SORCS2: variants seen among roughly 807,000 people sequenced by gnomAD.
SORCS2 encodes VPS10 domain-containing receptor SorCS2.
A neutral mutation model predicts 141.6 loss-of-function variants in SORCS2; 100 were observed. The ratio of observed to expected loss-of-function variants is 0.71; its 90% CI spans 0.60 to 0.83. The LOEUF (loss-of-function observed/expected upper bound fraction) is 0.83. Among genes scored for constraint, SORCS2 ranks in the 40% least tolerant of loss-of-function variants. SORCS2 has a pLI of 0.00. For synonymous variants in SORCS2, 789 were observed against 676.9 expected (o/e 1.17, Z -2.57); for missense variants, 1,646 against 1,560.2 (o/e 1.05, Z -0.93).
intron 5 of SORCS2, among the ~76,000 whole-genome samples, chr4:7,657,785 GGTGAGTGAATGAGTGA>G (rs1025567412): frequency 4.1e-5 from 6 of 145,704 alleles, no homozygotes; most frequent in Admixed American, 2.0e-4. Context: ...TCTGTGACTG[GGTGAGTGAATGAGTGA>G]GTGAGTGAAT....
At chr4:7,464,314 A>T (rs148485009) in intron 2 of SORCS2, among the ~76,000 whole-genome samples, 1 of 152,302 alleles carries the variant, frequency 6.6e-6, no homozygotes, top group Non-Finnish European at 1.5e-5. Context: ...TGTGATGGAC[A>T]TTGAGGGATG....
At chr4:7,278,724 G>C (rs1303682926) in intron 1 of SORCS2, among the ~76,000 whole-genome samples, 1 of 152,222 alleles carries the variant, frequency 6.6e-6, no homozygotes, top group Non-Finnish European at 1.5e-5. Flanking sequence ...CCAGCACAGA[G>C]AGCAGCCTTG....
chr4:7,198,881 C>T (rs941272046), intron 1 of SORCS2, among the ~76,000 whole-genome samples: 7 of 152,126 alleles, frequency 4.6e-5, no homozygotes, highest in African/African-American at 9.7e-5. Flanking sequence ...ACCACAGGCT[C>T]GCACGGTGAC....
At chr4:7,722,028 C>A (rs546018093) in intron 18 of SORCS2, among the ~76,000 whole-genome samples, 3 of 152,206 alleles carry the variant, frequency 2.0e-5, no homozygotes, top group African/African-American at 7.2e-5. Flanking sequence ...TTATTTTCTA[C>A]CTTGAGAATA....
chr4:7,692,095 A>T (rs1266474573), intron 11 of SORCS2, among the ~76,000 whole-genome samples: 1 of 152,170 alleles, frequency 6.6e-6, no homozygotes, highest in Non-Finnish European at 1.5e-5. Flanking sequence ...CAGGCATGCA[A>T]GGTGGGCCAA....
At chr4:7,229,008 C>T (rs903475069) in intron 1 of SORCS2, among the ~76,000 whole-genome samples, 10 of 152,212 alleles carry the variant, frequency 6.6e-5, no homozygotes, top group Admixed American at 1.3e-4. Flanking sequence ...AGGCCTGCCG[C>T]GCCTTGCTCT....
intron 24 of SORCS2, among the ~76,000 whole-genome samples, chr4:7,734,006 G>GGGGATAGGCA (rs1711935133): frequency 6.6e-6 from 1 of 151,906 alleles, no homozygotes; most frequent in Non-Finnish European, 1.5e-5. Context: ...GGGACAGGCA[G>GGGGATAGGCA]GGGATAGGCA....
intron 1 of SORCS2, among the ~76,000 whole-genome samples, chr4:7,266,472 G>A (rs1190809678): frequency 1.3e-5 from 2 of 152,176 alleles, no homozygotes; most frequent in Non-Finnish European, 2.9e-5. Context: ...TGTGCTCTGA[G>A]CTTTCCCGGG....
At chr4:7,627,540 C>G (rs1309781614) in intron 3 of SORCS2, among the ~76,000 whole-genome samples, 1 of 152,204 alleles carries the variant, frequency 6.6e-6, no homozygotes, top group Non-Finnish European at 1.5e-5. Flanking sequence ...GCTGACAGAT[C>G]TCTCCACCTT....
At chr4:7,701,280 G>C (rs1725066299) in intron 12 of SORCS2, among the ~76,000 whole-genome samples, 1 of 151,820 alleles carries the variant, frequency 6.6e-6, no homozygotes, top group Admixed American at 6.6e-5. Flanking sequence ...GAGGGAGGGA[G>C]ACGGGAAGAG....
Position 7,718,069 on chromosome 4 carries a change from G to A in SORCS2, c.2310G>A (p.Gln770=). Residue 770 remains glutamine, a synonymous_variant, in exon 18 of 27, where the codon CAG becomes CAA. Coordinates refer to ENST00000507866, the MANE Select transcript of SORCS2 (RefSeq NM_020777.3). The part of the protein sequence containing the change: ...CEGGVDMQQS[Q]VQLQCPLTPP... The stretch of plus-strand genomic sequence containing the variant: ...GTGGGGTGGACATGCAGCAGAGTCA[G>A]GTGCAGCTGCAGTGCCCCCTCACGC... The A allele has an allele frequency of 6.2e-7, 1 of 1,611,574 alleles. No homozygotes were observed. The highest frequency in any genetic ancestry group is 8.5e-7 in the Non-Finnish European group (1 of 1,178,974).
chr4:7,382,732 G>C (rs773647914), intron 1 of SORCS2, among the ~76,000 whole-genome samples: 1 of 152,130 alleles, frequency 6.6e-6, no homozygotes, highest in East Asian at 1.9e-4. Context: ...TGGAGGGGAT[G>C]GTCTGCAGGT....
At chr4:7,724,836 TGGA>T (rs1254397385) in intron 19 of SORCS2, among the ~76,000 whole-genome samples, 3 of 138,322 alleles carry the variant, frequency 2.2e-5, no homozygotes, top group African/African-American at 8.6e-5. Context: ...GTGATGATGG[TGGA>T]GGTGATGGTG....
At chr4:7,389,917 T>G (rs1723748407) in intron 1 of SORCS2, among the ~76,000 whole-genome samples, 1 of 151,756 alleles carries the variant, frequency 6.6e-6, no homozygotes, top group Admixed American at 6.5e-5. Context: ...TGAGCAGGGG[T>G]GCGGGCCTCC....
At chr4:7,706,709 C>T (rs1170292014) in intron 14 of SORCS2, among the ~76,000 whole-genome samples, 1 of 143,078 alleles carries the variant, frequency 7.0e-6, no homozygotes, top group Non-Finnish European at 1.5e-5. Context: ...TGGGCTCTGC[C>T]TGGACAGAGA....
chr4:7,289,353 A>G (rs1351247170), intron 1 of SORCS2, among the ~76,000 whole-genome samples: 2 of 152,152 alleles, frequency 1.3e-5, no homozygotes, highest in Non-Finnish European at 2.9e-5. Flanking sequence ...CTTGGAGCCC[A>G]CTGTGCCAAC....
chr4:7,583,809 A>G (rs1236591968), intron 3 of SORCS2, among the ~76,000 whole-genome samples: 1 of 152,236 alleles, frequency 6.6e-6, no homozygotes, highest in Non-Finnish European at 1.5e-5. Flanking sequence ...GCGTGAAAAC[A>G]GACTAATACA....
intron 3 of SORCS2, among the ~76,000 whole-genome samples, chr4:7,603,020 G>A (rs941628532): frequency 2.0e-5 from 3 of 152,232 alleles, no homozygotes; most frequent in East Asian, 1.9e-4. Flanking sequence ...CCAGTCAGGC[G>A]TGGTGGTGTG....
At chr4:7,371,575 G>A (rs1722251751) in intron 1 of SORCS2, among the ~76,000 whole-genome samples, 1 of 152,188 alleles carries the variant, frequency 6.6e-6, no homozygotes, top group Non-Finnish European at 1.5e-5. Flanking sequence ...GGAGCCCAAG[G>A]ATTGCTGTGT....
Sources: gnomAD v4.1 joint callset for allele counts (sites outside exome capture counted in the v4.1 genomes callset) on GRCh38, gnomAD v4.1.1 for gene constraint, MANE v1.5 for transcripts, NCBI Gene and HGNC (gene_info 2026-07-23, HGNC 2026-07-21) for gene names.